The following HS2ST1 variants were observed in gnomAD, a reference collection of about 807,000 sequenced individuals.
HS2ST1 encodes the protein heparan sulfate 2-O-sulfotransferase 1.
A neutral mutation model predicts 42.9 loss-of-function variants in HS2ST1; 18 were observed. That is an observed-to-expected ratio of 0.42 (90% CI 0.29 to 0.62). HS2ST1 has a LOEUF of 0.62. HS2ST1 is among the 20% of genes least tolerant of loss of function. HS2ST1 has a pLI of 0.21. For missense variants in HS2ST1, 334 were observed against 433.8 expected (o/e 0.77, Z 2.04); for synonymous variants, 146 against 152.9 (o/e 0.95, Z 0.33).
intron 1 of HS2ST1, among the ~76,000 whole-genome samples, chr1:86,959,386 A>C (rs962470660): frequency 5.9e-5 from 9 of 152,206 alleles, no homozygotes; most frequent in Non-Finnish European, 1.5e-5. Flanking sequence ...GGTTGGGTGC[A>C]GTGGCTCACG....
chr1:87,063,676 A>G (rs1651174117), intron 1 of HS2ST1, among the ~76,000 whole-genome samples: 1 of 151,862 alleles, frequency 6.6e-6, no homozygotes, highest in South Asian at 2.1e-4. Flanking sequence ...CTGAGATTGT[A>G]TTTGCTGGGG....
chr1:86,935,340 G>A (rs1660623321), intron 1 of HS2ST1, among the ~76,000 whole-genome samples: 1 of 150,480 alleles, frequency 6.6e-6, no homozygotes, highest in South Asian at 2.1e-4. Context: ...CTTAAAATTA[G>A]TAATATAATT....
intron 2 of HS2ST1, among the ~76,000 whole-genome samples, chr1:87,081,632 G>C (rs1651692673): frequency 6.6e-6 from 1 of 152,056 alleles, no homozygotes; most frequent in Non-Finnish European, 1.5e-5. Flanking sequence ...TAAAGAGCTA[G>C]AAAAGCAAGA....
chr1:87,062,827 C>A (rs1333947840), intron 1 of HS2ST1, among the ~76,000 whole-genome samples: 2 of 152,130 alleles, frequency 1.3e-5, no homozygotes, highest in African/African-American at 2.4e-5. Flanking sequence ...TATTTCAGCA[C>A]TTGAAAAACA....
chr1:87,051,622 CAATT>C (rs1220791243), intron 1 of HS2ST1, among the ~76,000 whole-genome samples: 1 of 152,040 alleles, frequency 6.6e-6, no homozygotes, highest in Non-Finnish European at 1.5e-5. Context: ...CAGTAAAACA[CAATT>C]AAAACTCAAA....
intron 1 of HS2ST1, among the ~76,000 whole-genome samples, chr1:87,005,860 C>G (rs1441886287): frequency 6.6e-6 from 1 of 152,046 alleles, no homozygotes; most frequent in East Asian, 1.9e-4. Context: ...TGGAAGAAAA[C>G]AGTGGATTTC....
intron 1 of HS2ST1, among the ~76,000 whole-genome samples, chr1:87,006,065 T>C (rs1269753468): frequency 1.3e-5 from 2 of 151,948 alleles, no homozygotes; most frequent in African/African-American, 2.4e-5. Flanking sequence ...TAATCTGTTA[T>C]GAAAACAAAA....
At chr1:87,100,919 C>T (rs1652180903) in intron 5 of HS2ST1, among the ~76,000 whole-genome samples, 1 of 152,042 alleles carries the variant, frequency 6.6e-6, no homozygotes, top group South Asian at 2.1e-4. Context: ...AAACAAAAAA[C>T]AACAAAAAGA....
intron 1 of HS2ST1, among the ~76,000 whole-genome samples, chr1:86,929,650 G>T (rs940726919): frequency 1.3e-5 from 2 of 151,626 alleles, no homozygotes; most frequent in Non-Finnish European, 3.0e-5. Flanking sequence ...GTTTATGTGC[G>T]TATACATATA....
intron 1 of HS2ST1, among the ~76,000 whole-genome samples, chr1:86,960,491 A>G (rs551191044): frequency 6.6e-6 from 1 of 152,358 alleles, no homozygotes; most frequent in South Asian, 2.1e-4. Context: ...TTTAGGGACT[A>G]AAGAGATAAG....
chr1:86,943,718 G>GA (rs57663143), intron 1 of HS2ST1, among the ~76,000 whole-genome samples: 50 of 136,524 alleles, frequency 3.7e-4, no homozygotes, highest in East Asian at 1.9e-3. Flanking sequence ...CCCTATCTCA[G>GA]AAAAAAAAAA....
chr1:87,025,355 TAAACAGGGAACAC>T (rs1381895565), intron 1 of HS2ST1, among the ~76,000 whole-genome samples: 1 of 152,210 alleles, frequency 6.6e-6, no homozygotes, highest in African/African-American at 2.4e-5. Context: ...CAATATCAAG[TAAACAGGGAACAC>T]ATTTGTCATG....
At chr1:86,993,574 C>G (rs769705058) in intron 1 of HS2ST1, among the ~76,000 whole-genome samples, 2 of 152,008 alleles carry the variant, frequency 1.3e-5, no homozygotes, top group Non-Finnish European at 2.9e-5. Context: ...ATTACCAGTA[C>G]CATATAAAAA....
rs148213646 is a variant in HS2ST1, at chr1:86,939,655, G to A, written c.124+24495G>A. Among the ~76,000 whole-genome samples the A allele has an allele frequency of 2.2e-4, 34 of 152,290 alleles. No individual in the cohort carries two copies. In the East Asian group the frequency reaches 5.8e-3, roughly 26 times the overall value. On this transcript the variant is annotated intron_variant, in intron 1 of 6. Transcript: ENST00000370550. ...TTGATTGCCTTAGGGTGTGGCCTGC[G>A]CCTCAGTTCCTATGTGCACTAAGGT... is the stretch of plus-strand genomic sequence containing the variant.
intron 1 of HS2ST1, among the ~76,000 whole-genome samples, chr1:86,998,952 T>C (rs74943910): frequency 0.027 from 4,138 of 152,216 alleles, 200 homozygotes; most frequent in African/African-American, 0.094. Flanking sequence ...TTTAATAAGC[T>C]CAGGTGATTC....
chr1:87,098,775 C>T (rs76307874), intron 5 of HS2ST1, among the ~76,000 whole-genome samples: 3,123 of 152,170 alleles, frequency 0.021, 96 homozygotes, highest in African/African-American at 0.064. Flanking sequence ...TTTGGCCTTT[C>T]ACCTGTTTTA....
At chr1:87,088,446 C>T (rs182612859) in intron 3 of HS2ST1, among the ~76,000 whole-genome samples, 12 of 152,162 alleles carry the variant, frequency 7.9e-5, no homozygotes, top group African/African-American at 2.4e-4. Flanking sequence ...GGGTGTACTT[C>T]GATTGATCCA....
At chr1:86,951,804 A>C (rs1450625755) in intron 1 of HS2ST1, among the ~76,000 whole-genome samples, 1 of 152,222 alleles carries the variant, frequency 6.6e-6, no homozygotes, top group African/African-American at 2.4e-5. Flanking sequence ...TTTATCAACT[A>C]TGTTTATGGG....
chr1:86,938,493 G>T (rs1660698689), intron 1 of HS2ST1, among the ~76,000 whole-genome samples: 1 of 151,790 alleles, frequency 6.6e-6, no homozygotes, highest in African/African-American at 2.4e-5. Context: ...TTGAATTTTT[G>T]ATCTCTTTTG....
Sources: allele counts gnomAD v4.1 joint callset (sites outside exome capture counted in the v4.1 genomes callset), GRCh38; gene constraint gnomAD v4.1.1; transcripts MANE v1.5; gene names NCBI Gene and HGNC (gene_info 2026-07-23, HGNC 2026-07-21).